SULT1A2: variants seen among roughly 807,000 people sequenced by gnomAD.
The protein encoded by SULT1A2 is sulfotransferase family 1A member 2, also known as sulfotransferase 1A2.
A neutral mutation model predicts 36.0 loss-of-function variants in SULT1A2; 33 were observed. The ratio of observed to expected loss-of-function variants is 0.92; its 90% CI spans 0.69 to 1.22. SULT1A2 has a LOEUF of 1.22. SULT1A2 is among the 50% of genes most tolerant of loss of function. The probability of loss-of-function intolerance (pLI) is 0.00; values close to 1 mark genes in which losing one functional copy is unlikely to be tolerated. For synonymous variants in SULT1A2, 138 were observed against 144.5 expected (o/e 0.96, Z 0.32); for missense variants, 367 against 383.2 (o/e 0.96, Z 0.35).
intron 2 of SULT1A2, 35 bp downstream of exon 2, chr16:28,595,748 C>T (rs376551212): frequency 1.8e-5 from 29 of 1,611,926 alleles, no homozygotes; most frequent in Non-Finnish European, 2.2e-5. Flanking sequence ...TGGGGACTGC[C>T]ACCTGGGAGA....
chr16:28,595,625 G>C lies in SULT1A2; in HGVS notation c.199C>G (p.Leu67Val). Residue 67 changes from leucine (L) to valine (V), a missense_variant, in exon 3 of 8, where the codon CTG becomes GTG. Coordinates refer to ENST00000335715, the MANE Select transcript of SULT1A2 (RefSeq NM_001054.4). The stretch of plus-strand genomic sequence containing the variant: ...ATGGGAGCTCGGTGACACTTTTCCA[G>C]GTCACCGCCCTGGTAGATCATGTCC... ...ILDMIYQGGDLEKCHRAPIFM... is the reference protein window; with the variant it reads ...ILDMIYQGGDVEKCHRAPIFM... 6.2e-7 allele frequency: 1 copy of C among 1,614,170 alleles called. No homozygotes were observed. Among genetic ancestry groups the C allele is most frequent in the South Asian group, 1.1e-5 (1 of 91,088 alleles).
In SULT1A2 at chr16:28,592,028, T is replaced by A. The variant is rs139331793; in HGVS notation, c.888A>T (p.Ter296CysextTer16). ...TCTGCAGTGACTCCAGGAACCCCTC[T>A]CACAGCTCAGAGCGGAAGCTGAGGC... ...GCSLSFRSEL[*>C] Residue 296 changes from the stop codon to cysteine, a stop_lost, in exon 8 of 8, where the codon TGA becomes TGT. Transcript: ENST00000335715. 11 of 1,611,790 alleles carry A rather than the reference T, an allele frequency of 6.8e-6. No homozygotes were observed. The African/African-American group carries it at 1.5e-4, about 21-fold the overall frequency.
chr16:28,596,300 G>T (rs1048823557), intron 1 of SULT1A2: 19 of 1,176,420 alleles, frequency 1.6e-5, no homozygotes, highest in Admixed American at 4.2e-5. Flanking sequence ...CTGTCTTCCT[G>T]CCAGCCAGCG....
intron 6 of SULT1A2, 138 bp from the exon 7 acceptor site, chr16:28,592,581 A>T (rs2047007265): frequency 2.7e-6 from 4 of 1,501,518 alleles, no homozygotes. Context: ...GACCCCTGGG[A>T]CCCCAGTCCC....
At chr16:28,595,242 C>T in intron 4 of SULT1A2, 125 bp downstream of exon 4, 2 of 1,282,414 alleles carry the variant, frequency 1.6e-6, no homozygotes, top group Non-Finnish European at 2.2e-6. Flanking sequence ...GCACACACCA[C>T]TATGCACAGC....
chr16:28,595,543 C>T lies in SULT1A2; in HGVS notation c.274+7G>A. The T allele has an allele frequency of 6.2e-7, 1 of 1,614,210 alleles. No homozygotes were observed. The highest frequency in any genetic ancestry group is 1.3e-5 in the African/African-American group (1 of 75,052). On this transcript the variant is annotated splice_region_variant and intron_variant, in intron 3 of 7. Transcript: ENST00000335715. Reference sequence around the variant, plus strand: ...CTCCACTCCCCTTGCACCCAGGACACACACACCTGAGGGAATCCCTGGGAC... The same window carrying T: ...CTCCACTCCCCTTGCACCCAGGACATACACACCTGAGGGAATCCCTGGGAC...
At chr16:28,596,232 G>A (rs956824798) in intron 1 of SULT1A2, 25 of 1,342,938 alleles carry the variant, frequency 1.9e-5, no homozygotes, top group Non-Finnish European at 2.1e-5. Context: ...ATGTCAGGGT[G>A]TGTGAAGGTC....
intron 1 of SULT1A2, chr16:28,596,604 T>C (rs2151668598): frequency 9.0e-6 from 2 of 222,944 alleles, no homozygotes; most frequent in East Asian, 1.5e-4. Context: ...TCCCAGACCC[T>C]AGGGAGGCTG....
intron 7 of SULT1A2, 35 bp downstream of exon 7, chr16:28,592,228 A>T: frequency 6.2e-7 from 1 of 1,613,892 alleles, no homozygotes; most frequent in Non-Finnish European, 8.5e-7. Context: ...TGCTGCTCCC[A>T]CCTGCTCCAA....
intron 1 of SULT1A2, 177 bp from the exon 2 acceptor site, chr16:28,596,111 G>C: frequency 1.4e-6 from 2 of 1,453,336 alleles, no homozygotes; most frequent in Non-Finnish European, 1.8e-6. Flanking sequence ...CTCTAATGTG[G>C]TGGTTCCCCA....
intron 7 of SULT1A2, 53 bp from the exon 8 acceptor site, chr16:28,592,193 C>T (rs535592806): frequency 2.6e-5 from 42 of 1,613,532 alleles, no homozygotes; most frequent in African/African-American, 1.7e-4. Flanking sequence ...GGGGAGGCCC[C>T]GAGTGCCTAT....
chr16:28,592,757 C>T (rs755521352), intron 6 of SULT1A2, among the ~76,000 whole-genome samples: 4 of 152,150 alleles, frequency 2.6e-5, no homozygotes, highest in African/African-American at 9.7e-5. Context: ...GGCAAGGGGC[C>T]GTGGTTCAGG....
At position 28,595,353 on chromosome 16, in the gene SULT1A2, G is replaced by A; in HGVS notation, c.372+14C>T. The A allele has an allele frequency of 6.2e-7, 1 of 1,613,752 alleles. No homozygotes were observed. Among genetic ancestry groups the A allele is most frequent in the African/African-American group, 1.3e-5 (1 of 74,994 alleles). ...ACTGAGATTGCGGGTGTGAACCACTGTGCCCAGTCTCACCTTGACCTTCTG... is the reference window on the plus strand; with the variant it reads ...ACTGAGATTGCGGGTGTGAACCACTATGCCCAGTCTCACCTTGACCTTCTG... On this transcript the variant is annotated intron_variant, in intron 4 of 7. Coordinates refer to ENST00000335715, the MANE Select transcript of SULT1A2 (RefSeq NM_001054.4).
In SULT1A2 at chr16:28,593,311, A is replaced by G. The variant is rs1215585327; in HGVS notation, c.535T>C (p.Trp179Arg). 1.9e-6 allele frequency: 3 copies of G among 1,614,080 alleles called. No individual in the cohort carries two copies. In the Admixed American group the frequency reaches 5.0e-5, roughly 27 times the overall value. Reference protein sequence around the residue: ...YGSWYQHVQEWWELSRTHPVL... With the variant: ...YGSWYQHVQERWELSRTHPVL... ...GGGTGGGTGCGGCTCAGCTCCCACC[A>G]CTCTTGCACGTGCTGGTACCAGGAC... is the stretch of plus-strand genomic sequence containing the variant. Residue 179 changes from tryptophan (W) to arginine (R), a missense_variant, in exon 6 of 8, where the codon TGG (tryptophan) becomes CGG (arginine). Coordinates refer to ENST00000335715, the MANE Select transcript of SULT1A2 (RefSeq NM_001054.4).
rs771344724 is a variant in SULT1A2, at chr16:28,592,143, G to A, written c.776-3C>T. 4 of 1,612,198 alleles carry A rather than the reference G, an allele frequency of 2.5e-6. No homozygotes were observed. Among genetic ancestry groups the A allele is most frequent in the Non-Finnish European group, 3.4e-6 (4 of 1,179,798 alleles). On this transcript the variant is annotated splice_polypyrimidine_tract_variant and splice_region_variant and intron_variant, in intron 7 of 7. Coordinates refer to ENST00000335715, the MANE Select transcript of SULT1A2 (RefSeq NM_001054.4). The stretch of plus-strand genomic sequence containing the variant: ...GGTCTTCCAGTCCCCAGCCATGCCT[G>A]GGGGAGGAAGGCAGGGAGCAAAGCT...
At chr16:28,596,564 G>T in intron 1 of SULT1A2, 1 of 303,880 alleles carries the variant, frequency 3.3e-6, no homozygotes, top group South Asian at 4.2e-5. Flanking sequence ...GCAAAAGGAG[G>T]ATCCTGGGCA....
chr16:28,593,383 C>T (rs1404952682), intron 5 of SULT1A2, 37 bp from the exon 6 acceptor site: 6 of 1,614,022 alleles, frequency 3.7e-6, no homozygotes, highest in Non-Finnish European at 5.1e-6. Flanking sequence ...CACAGGGTTG[C>T]TGTGCGTTGT....
At chr16:28,592,590 C>T (rs1358467487) in intron 6 of SULT1A2, 147 bp from the exon 7 acceptor site, 5 of 1,452,046 alleles carry the variant, frequency 3.4e-6, no homozygotes, top group East Asian at 4.9e-5. Context: ...GACCCCAGTC[C>T]CTGGGGCAAA....
At chr16:28,593,589 A>G (rs2047024093) in intron 4 of SULT1A2, 21 bp from the exon 5 acceptor site, 2 of 1,613,460 alleles carry the variant, frequency 1.2e-6, no homozygotes, top group African/African-American at 1.3e-5. Context: ...AGAAGACTCA[A>G]CCCCAGCACC....
Sources: gnomAD v4.1 joint callset for allele counts (sites outside exome capture counted in the v4.1 genomes callset) on GRCh38, gnomAD v4.1.1 for gene constraint, MANE v1.5 for transcripts, NCBI Gene and HGNC (gene_info 2026-07-23, HGNC 2026-07-21) for gene names.